The following SWAP70 variants were observed in gnomAD, a reference collection of about 807,000 sequenced individuals.
SWAP70 encodes switching B cell complex subunit SWAP70.
A neutral mutation model predicts 80.2 loss-of-function variants in SWAP70; 34 were observed. The ratio of observed to expected loss-of-function variants is 0.42; its 90% CI spans 0.32 to 0.56. The LOEUF is 0.56. Ranked by LOEUF, SWAP70 falls within the 20% of genes least tolerant of loss-of-function variation. SWAP70 has a pLI of 0.09. For missense variants in SWAP70, 578 were observed against 690.7 expected (o/e 0.84, Z 1.83); for synonymous variants, 239 against 238.5 (o/e 1.00, Z -0.02).
At chr11:9,682,520 A>G (rs1230507303) in intron 1 of SWAP70, among the ~76,000 whole-genome samples, 2 of 152,218 alleles carry the variant, frequency 1.3e-5, no homozygotes, top group South Asian at 2.1e-4. Context: ...TAAGACCAGA[A>G]AGAGATCTAT....
chr11:9,686,841 A>G (rs1850639529), intron 1 of SWAP70, among the ~76,000 whole-genome samples: 1 of 152,212 alleles, frequency 6.6e-6, no homozygotes, highest in Non-Finnish European at 1.5e-5. Context: ...TATACATTGT[A>G]CAATGCGTAG....
chr11:9,724,281 GTTTAA>G (rs1481210514), intron 3 of SWAP70, among the ~76,000 whole-genome samples: 2 of 152,208 alleles, frequency 1.3e-5, no homozygotes, highest in African/African-American at 4.8e-5. Context: ...ACTTTGAGAT[GTTTAA>G]TTTAGCGCTT....
rs77802338 is a variant in SWAP70, at chr11:9,734,423, G to T, written c.1080+1713G>T. Among the ~76,000 whole-genome samples, 1,096 of 152,208 alleles carry T rather than the reference G, an allele frequency of 7.2e-3. 16 individuals carry two copies. Among genetic ancestry groups the T allele is most frequent in the African/African-American group, 0.025 (1,047 of 41,508 alleles). ...TTCTGCTCTGTATAATGTGAAGAAG[G>T]CATGCCTGGTGTTAGCAAGCTGTAG... On this transcript the variant is annotated intron_variant, in intron 7 of 11. Coordinates refer to ENST00000318950, the MANE Select transcript of SWAP70 (RefSeq NM_015055.4).
At chr11:9,690,235 G>A (rs1461261667) in intron 1 of SWAP70, among the ~76,000 whole-genome samples, 3 of 152,034 alleles carry the variant, frequency 2.0e-5, no homozygotes, top group Admixed American at 2.0e-4. Flanking sequence ...CTTTTTACTA[G>A]TTTATATTCC....
At chr11:9,672,195 C>CTATGTATATGTGTATA (rs530619499) in intron 1 of SWAP70, among the ~76,000 whole-genome samples, 4 of 78,438 alleles carry the variant, frequency 5.1e-5, no homozygotes, top group Admixed American at 2.1e-4. Flanking sequence ...ATGTGTGTGT[C>CTATGTATATGTGTATA]TATATATATA....
intron 2 of SWAP70, among the ~76,000 whole-genome samples, chr11:9,695,791 T>C (rs1850749509): frequency 6.6e-6 from 1 of 152,100 alleles, no homozygotes; most frequent in Admixed American, 6.6e-5. Context: ...TGGTTTCATA[T>C]ATACTGGCAA....
rs1851249030 is a variant in SWAP70 at position 9,728,073 on chromosome 11, C to A, written c.663C>A (p.Gly221=). Residue 221 remains glycine, a synonymous_variant, in exon 5 of 12, where the codon GGC becomes GGA. Coordinates refer to ENST00000318950, the MANE Select transcript of SWAP70 (RefSeq NM_015055.4). The stretch of plus-strand genomic sequence containing the variant: ...CACAGGGTTACATGATGAAAAAGGG[C>A]CACAGACGGAAAAACTGGACTGAAA... The part of the protein sequence containing the change: ...VLKQGYMMKK[G]HRRKNWTERW... 9 of 1,608,308 alleles carry A rather than the reference C, an allele frequency of 5.6e-6. No homozygotes were observed. The highest frequency in any genetic ancestry group is 7.6e-6 in the Non-Finnish European group (9 of 1,177,712).
At chr11:9,671,777 A>AAATATATAAATATATAATATAAAT (rs1565109926) in intron 1 of SWAP70, among the ~76,000 whole-genome samples, 1 of 11,632 alleles carries the variant, frequency 8.6e-5, no homozygotes, top group Non-Finnish European at 1.5e-3. Context: ...ATATAAATAT[A>AAATATATAAATATATAATATAAAT]ATATATTATT....
chr11:9,689,307 A>G (rs892516972), intron 1 of SWAP70, among the ~76,000 whole-genome samples: 2 of 152,358 alleles, frequency 1.3e-5, no homozygotes, highest in East Asian at 1.9e-4. Flanking sequence ...GTAAATGGCA[A>G]GCAAACCACT....
At chr11:9,673,867 T>G (rs1439618186) in intron 1 of SWAP70, among the ~76,000 whole-genome samples, 1 of 151,544 alleles carries the variant, frequency 6.6e-6, no homozygotes, top group Non-Finnish European at 1.5e-5. Flanking sequence ...AGAGAGAGAT[T>G]TGTTTTCTTT....
At chr11:9,704,463 C>A (rs1263925738) in intron 2 of SWAP70, among the ~76,000 whole-genome samples, 2 of 151,888 alleles carry the variant, frequency 1.3e-5, no homozygotes, top group Non-Finnish European at 2.9e-5. Context: ...GGTATAATCT[C>A]AGCTCACTGC....
intron 1 of SWAP70, among the ~76,000 whole-genome samples, chr11:9,686,593 C>T (rs1850636106): frequency 6.6e-6 from 1 of 151,904 alleles, no homozygotes; most frequent in African/African-American, 2.4e-5. Flanking sequence ...AAGTGATCCT[C>T]CTCCCTTGGC....
At chr11:9,730,342 A>T (rs1851281369) in intron 6 of SWAP70, among the ~76,000 whole-genome samples, 1 of 152,070 alleles carries the variant, frequency 6.6e-6, no homozygotes, top group African/African-American at 2.4e-5. Context: ...AAAAAAAAAA[A>T]AAAAGAACAT....
At chr11:9,706,977 A>G (rs1173632586) in intron 2 of SWAP70, among the ~76,000 whole-genome samples, 2 of 151,670 alleles carry the variant, frequency 1.3e-5, no homozygotes, top group African/African-American at 4.8e-5. Flanking sequence ...TTTCACATAT[A>G]TTTCTTTATT....
chr11:9,671,074 C>CAAATAT (rs1050602610), intron 1 of SWAP70, among the ~76,000 whole-genome samples: 2 of 133,810 alleles, frequency 1.5e-5, no homozygotes, highest in Admixed American at 8.2e-5. Context: ...TTTATATATA[C>CAAATAT]AAATATAAAT....
intron 2 of SWAP70, among the ~76,000 whole-genome samples, chr11:9,701,846 A>G (rs12789429): frequency 0.25 from 37,733 of 151,972 alleles, 6,089 homozygotes; most frequent in Non-Finnish European, 0.36. Flanking sequence ...AAGGCAGTCT[A>G]ATTCTTCCAT....
chr11:9,698,899 T>G (rs905181708), intron 2 of SWAP70, among the ~76,000 whole-genome samples: 1 of 152,182 alleles, frequency 6.6e-6, no homozygotes, highest in African/African-American at 2.4e-5. Flanking sequence ...CTTCACATCC[T>G]TATTTGTGGT....
intron 1 of SWAP70, among the ~76,000 whole-genome samples, chr11:9,678,348 G>A (rs1380026877): frequency 6.6e-6 from 1 of 152,012 alleles, no homozygotes; most frequent in Non-Finnish European, 1.5e-5. Context: ...AATAGTAAGG[G>A]CAGCTCTCTA....
intron 2 of SWAP70, among the ~76,000 whole-genome samples, chr11:9,712,207 T>C (rs1318503027): frequency 6.6e-6 from 1 of 152,238 alleles, no homozygotes; most frequent in African/African-American, 2.4e-5. Context: ...CTTGGGAACA[T>C]AGGCCAGTAT....
Sources: allele counts gnomAD v4.1 joint callset (sites outside exome capture counted in the v4.1 genomes callset), GRCh38; gene constraint gnomAD v4.1.1; transcripts MANE v1.5; gene names NCBI Gene and HGNC (gene_info 2026-07-23, HGNC 2026-07-21).